KIFC3: variants seen among roughly 807,000 people sequenced by gnomAD.
The protein encoded by KIFC3 is kinesin-like protein KIFC3.
KIFC3 carries 60 observed loss-of-function variants against 101.8 expected under a neutral mutation model. The observed-to-expected ratio is 0.59, with a 90% CI of 0.48 to 0.73. The LOEUF is 0.73. Ranked by LOEUF, KIFC3 falls within the 30% of genes least tolerant of loss-of-function variation. The pLI is 0.00. For synonymous variants in KIFC3, 476 were observed against 482.7 expected, an observed-to-expected ratio of 0.99 and a Z score of 0.18; for missense variants, 966 against 1,137.1, an observed-to-expected ratio of 0.85 and a Z score of 2.16.
In KIFC3 at chr16:57,788,464, C is replaced by T. The variant is rs1347582547; in HGVS notation, c.315+6535G>A. On this transcript the variant is annotated intron_variant, in intron 3 of 19. Coordinates refer to ENST00000445690, the MANE Select transcript of KIFC3 (RefSeq NM_001130100.2). ...TCAGGCAGCTGGAGTCTGTCTAGGCCACCTCCAGCCGGGGAGGACAGGGCA... is the reference window on the plus strand; with the variant it reads ...TCAGGCAGCTGGAGTCTGTCTAGGCTACCTCCAGCCGGGGAGGACAGGGCA... 2.1e-5 allele frequency: 21 copies of T among 1,018,496 alleles called. No individual in the cohort carries two copies. The African/African-American group carries it at 3.0e-4, about 15-fold the overall frequency. The allele number at this position is 1,018,496 out of a possible 1,614,324, so 63.1% of individuals were successfully genotyped here.
At chr16:57,805,860 G>A (rs532565827), upstream of KIFC3, among the ~76,000 whole-genome samples, 4 of 152,108 alleles carry the variant, frequency 2.6e-5, no homozygotes, top group Non-Finnish European at 5.9e-5. Context: ...ATTTTTAGTA[G>A]AGACGGTGTT....
At chr16:57,774,972 G>C (rs1353796051) in intron 3 of KIFC3, 13 of 1,532,388 alleles carry the variant, frequency 8.5e-6, no homozygotes, top group Middle Eastern at 1.7e-4. Flanking sequence ...GGGGCTGGGC[G>C]CACTAACCTT....
chr16:57,813,477 C>A (rs574769555), intron 1 of KIFC3, among the ~76,000 whole-genome samples: 4 of 152,252 alleles, frequency 2.6e-5, no homozygotes, highest in East Asian at 1.9e-4. Context: ...TACTCCACCC[C>A]CTCCACGCCT....
At chr16:57,788,137 C>A (rs1244874967) in intron 3 of KIFC3, among the ~76,000 whole-genome samples, 1 of 152,190 alleles carries the variant, frequency 6.6e-6, no homozygotes, top group Non-Finnish European at 1.5e-5. Flanking sequence ...AGCCTCTGGC[C>A]AGGAGAATCA....
rs983359689 is a variant in KIFC3, at chr16:57,802,183, G to A, written c.-40+187C>T. On this transcript the variant is annotated intron_variant, in intron 1 of 19. Coordinates refer to ENST00000445690, the MANE Select transcript of KIFC3 (RefSeq NM_001130100.2). This position sits in a 1 kb window ranked among gnomAD's most constrained non-coding sequence, Gnocchi z 5.0. ...AGCTCCCAGCAAGGTCCTCGACTCGGGCTGAACGGCGCTGGAGGGGACCTC... is the reference window on the plus strand; with the variant it reads ...AGCTCCCAGCAAGGTCCTCGACTCGAGCTGAACGGCGCTGGAGGGGACCTC... Among the ~76,000 whole-genome samples, 30 of 152,214 alleles carry A rather than the reference G, an allele frequency of 2.0e-4. No homozygotes were observed. Among genetic ancestry groups the A allele is most frequent in the Admixed American group, 1.2e-3 (19 of 15,290 alleles).
In KIFC3 at chr16:57,797,593, G is replaced by A. The variant is rs1314227931; in HGVS notation, c.172+479C>T. 4.5e-6 allele frequency: 3 copies of A among 670,784 alleles called. No homozygotes were observed. In the Admixed American group the frequency reaches 1.6e-4, roughly 35 times the overall value. 41.6% of individuals were successfully genotyped at this position (670,784 alleles called of 1,614,324 possible). On this transcript the variant is annotated intron_variant, in intron 2 of 19. Coordinates refer to ENST00000445690, the MANE Select transcript of KIFC3 (RefSeq NM_001130100.2). ...AATGAGCACATGGACCCCAAGCCCC[G>A]CCAGGCCACGTTCCCGAGCAGCCTC... is the stretch of plus-strand genomic sequence containing the variant.
At chr16:57,810,663 G>T (rs2055049491) in intron 1 of KIFC3, 1 of 985,422 alleles carries the variant, frequency 1.0e-6, no homozygotes, top group African/African-American at 1.7e-5. Context: ...GCCAGGACGG[G>T]AATTTAATCT....
intron 1 of KIFC3, among the ~76,000 whole-genome samples, chr16:57,826,593 T>G (rs1164580997): frequency 6.6e-6 from 1 of 152,126 alleles, no homozygotes; most frequent in Non-Finnish European, 1.5e-5. Flanking sequence ...CAAAATAAAC[T>G]ATGTGATGAT....
At position 57,769,503 on chromosome 16, in the gene KIFC3, T is replaced by C; in HGVS notation, c.1218+92A>G. 2.0e-6 allele frequency: 3 copies of C among 1,496,874 alleles called. No homozygotes were observed. In the South Asian group the frequency reaches 3.8e-5, roughly 19 times the overall value. 92.7% of individuals were successfully genotyped at this position (1,496,874 alleles called of 1,614,324 possible). ...AGGGGCTGCTGTCTGAGCGGCTTTGTCTGAGCTTTGGAGGGACGCCCTGAG... is the reference window on the plus strand; with the variant it reads ...AGGGGCTGCTGTCTGAGCGGCTTTGCCTGAGCTTTGGAGGGACGCCCTGAG... On this transcript the variant is annotated intron_variant, in intron 9 of 19. Transcript: ENST00000445690. This position sits in a 1 kb window ranked among gnomAD's most constrained non-coding sequence, Gnocchi z 4.3.
chr16:57,838,421 G>T (rs2055740390), intron 1 of KIFC3, among the ~76,000 whole-genome samples: 4 of 152,168 alleles, frequency 2.6e-5, no homozygotes, highest in Admixed American at 2.6e-4. Flanking sequence ...GGGAGTTCCA[G>T]ACACAGCCAC....
chr16:57,811,438 T>C (rs782067108), intron 1 of KIFC3, among the ~76,000 whole-genome samples: 6 of 151,956 alleles, frequency 3.9e-5, no homozygotes, highest in Non-Finnish European at 8.8e-5. Context: ...TACACAGAGG[T>C]CAGGCCAAGC....
chr16:57,759,787 GC>G lies in KIFC3; in HGVS notation c.2416del (p.Ala806ProfsTer122), dbSNP rs1427578142. 1.2e-6 allele frequency: 2 copies of G among 1,611,246 alleles called. No homozygotes were observed. The highest frequency in any genetic ancestry group is 1.3e-5 in the African/African-American group (1 of 74,834). ...TPQPSARAHSAPSSGTSSRPG... is the reference protein window; with the variant it reads ...TPQPSARAHSXPSSGTSSRPG... ...GCGGCTACTGGTCCCAGAGCTGGGG[GC>G]TGAGTGGGCCCGTGCCGAGGGCTGT... On this transcript the variant is annotated frameshift_variant, in exon 18 of 20. Transcript: ENST00000445690. LOFTEE classifies it high-confidence loss of function.
At chr16:57,777,414 A>C (rs1297011532) in intron 3 of KIFC3, among the ~76,000 whole-genome samples, 1 of 152,240 alleles carries the variant, frequency 6.6e-6, no homozygotes, top group East Asian at 1.9e-4. Context: ...CTGATTTCAA[A>C]ACTCACTAAA....
In KIFC3 at chr16:57,769,930, T is replaced by C. The variant is rs143629043; in HGVS notation, c.965A>G (p.Glu322Gly). ...AQIAMYESEL[E>G]RAHGQMLEEM... The stretch of plus-strand genomic sequence containing the variant: ...CTCCAGCATCTGCCCATGGGCCCGC[T>C]CCAGCTCTGACTCGTACATGGCAAT... The change falls in exon 8 of 20, where the codon GAG (glutamate) becomes GGG (glycine). Residue 322 changes from glutamate (E) to glycine (G), a missense_variant. Coordinates refer to ENST00000445690, the MANE Select transcript of KIFC3 (RefSeq NM_001130100.2). The surrounding 1 kb of genome is among the most constrained non-coding windows in gnomAD (Gnocchi z 4.3). 1.9e-6 allele frequency: 3 copies of C among 1,613,082 alleles called. No individual in the cohort carries two copies. The highest frequency in any genetic ancestry group is 2.7e-5 in the African/African-American group (2 of 74,834).
In KIFC3 at chr16:57,758,391, C is replaced by G; in HGVS notation, c.*543G>C. 2.8e-6 allele frequency: 1 copy of G among 350,982 alleles called. No individual in the cohort carries two copies. The highest frequency in any genetic ancestry group is 5.6e-6 in the Non-Finnish European group (1 of 179,220). 21.7% of individuals were successfully genotyped at this position (350,982 alleles called of 1,614,324 possible). On this transcript the variant is annotated 3_prime_UTR_variant, in exon 20 of 20. Coordinates refer to ENST00000445690, the MANE Select transcript of KIFC3 (RefSeq NM_001130100.2). Reference sequence around the variant, plus strand: ...CTGCCAGCCATAAACACAGCACGGCCCCGTGGCGGGAGGCCATGCGCCTCC... The same window carrying G: ...CTGCCAGCCATAAACACAGCACGGCGCCGTGGCGGGAGGCCATGCGCCTCC...
intron 3 of KIFC3, among the ~76,000 whole-genome samples, chr16:57,787,463 G>A (rs1208076032): frequency 6.6e-6 from 1 of 152,256 alleles, no homozygotes; most frequent in Non-Finnish European, 1.5e-5. Flanking sequence ...CACCGCGGCA[G>A]GGCAGTGGGA....
At chr16:57,856,435 T>G (rs912778916) in intron 1 of KIFC3, among the ~76,000 whole-genome samples, 1 of 114,374 alleles carries the variant, frequency 8.7e-6, no homozygotes, top group African/African-American at 3.4e-5. Flanking sequence ...CATTCCAGCC[T>G]GGGTGACAGA....
Position 57,758,775 on chromosome 16 carries a change from C to T in KIFC3, c.*159G>A, listed in dbSNP as rs781816236. The T allele has an allele frequency of 6.5e-5, 74 of 1,134,022 alleles. No homozygotes were observed. The Admixed American group carries it at 9.5e-4, about 15-fold the overall frequency. The allele number at this position is 1,134,022 out of a possible 1,614,324, so 70.2% of individuals were successfully genotyped here. On this transcript the variant is annotated 3_prime_UTR_variant, in exon 20 of 20. Coordinates refer to ENST00000445690, the MANE Select transcript of KIFC3 (RefSeq NM_001130100.2). Reference sequence around the variant, plus strand: ...CATGTTTCTCATCTTTGAGGGGAGACGGGGCAGAAGAAGAGCCTCCACTCT... The same window carrying T: ...CATGTTTCTCATCTTTGAGGGGAGATGGGGCAGAAGAAGAGCCTCCACTCT...
Position 57,758,637 on chromosome 16 carries a change from G to C in KIFC3, c.*297C>G, listed in dbSNP as rs946834748. ...TCCTCCACACTCCCGCCCTCCTCAC[G>C]GGGCCCAGTTCGCTGATGGCCCAGG... On this transcript the variant is annotated 3_prime_UTR_variant, in exon 20 of 20. Coordinates refer to ENST00000445690, the MANE Select transcript of KIFC3 (RefSeq NM_001130100.2). 5.7e-6 allele frequency: 4 copies of C among 698,858 alleles called. No homozygotes were observed. The highest frequency in any genetic ancestry group is 1.0e-5 in the Non-Finnish European group (4 of 383,372). 43.3% of individuals were successfully genotyped at this position (698,858 alleles called of 1,614,324 possible). A position where few individuals can be genotyped will look rare whatever the true frequency, so the allele number is the denominator to read the frequency against.
Sources: gnomAD v4.1 joint callset for allele counts (sites outside exome capture counted in the v4.1 genomes callset) on GRCh38, gnomAD v4.1.1 for gene constraint, Gnocchi (gnomAD v3.1) non-coding constraint, MANE v1.5 for transcripts, NCBI Gene and HGNC (gene_info 2026-07-23, HGNC 2026-07-21) for gene names.